Variants in CR2 observed in about 807,000 individuals in gnomAD.
CR2 encodes complement C3d receptor 2.
Under a neutral mutation model 123.0 loss-of-function variants are expected in CR2, and 96 were observed. The observed-to-expected ratio is 0.78, with a 90% CI of 0.66 to 0.93. CR2 has a LOEUF of 0.93. Among genes scored for constraint, CR2 ranks in the 40% least tolerant of loss-of-function variants. CR2 has a pLI of 0.00. For missense variants in CR2, 1,258 were observed against 1,361.0 expected (o/e 0.92, Z 1.19); for synonymous variants, 484 against 469.5 (o/e 1.03, Z -0.40).
intron 16 of CR2, 77 bp from the exon 17 acceptor site, chr1:207,479,180 T>C: frequency 8.7e-7 from 1 of 1,152,938 alleles, no homozygotes; most frequent in South Asian, 1.2e-5. Context: ...TTCTGGGACA[T>C]TACCATGAAA....
intron 18 of CR2, among the ~76,000 whole-genome samples, chr1:207,480,787 C>T (rs1035292207): frequency 6.6e-6 from 1 of 152,076 alleles, no homozygotes; most frequent in African/African-American, 2.4e-5. Flanking sequence ...TTACAAACCA[C>T]TTTGTGTTTA....
In CR2 at chr1:207,468,564, C is replaced by T; in HGVS notation, c.483C>T (p.His161=). 6.2e-7 allele frequency: 1 copy of T among 1,613,964 alleles called. No individual in the cohort carries two copies. The highest frequency in any genetic ancestry group is 1.1e-5 in the South Asian group (1 of 91,074). ...AGTGTCCAGCACTTCCTATGATCCA[C>T]AATGGACATCACACAAGTGAGAATG... The part of the protein sequence containing the change: ...PLECPALPMI[H]NGHHTSENVG... The change falls in exon 3 of 20, where the codon CAC becomes CAT. Residue 161 remains histidine, a synonymous_variant. Coordinates refer to ENST00000367057, the MANE Select transcript of CR2 (RefSeq NM_001006658.3).
rs142051094 is a variant in CR2, at chr1:207,470,637, C to T, written c.1226-103C>T. On this transcript the variant is annotated intron_variant, in intron 6 of 19. Transcript: ENST00000367057. Reference sequence around the variant, plus strand: ...CATATGTTCTGTATCATACAGCTGACGCCAGAGTGGAATTATAGCATGAAT... The same window carrying T: ...CATATGTTCTGTATCATACAGCTGATGCCAGAGTGGAATTATAGCATGAAT... The T allele has an allele frequency of 6.6e-4, 738 of 1,117,820 alleles. 4 individuals are homozygous for T. Among genetic ancestry groups the T allele is most frequent in the South Asian group, 1.8e-3 (145 of 78,690 alleles). The allele number at this position is 1,117,820 out of a possible 1,614,324, so 69.2% of individuals were successfully genotyped here. A position where few individuals can be genotyped will look rare whatever the true frequency, so the allele number is the denominator to read the frequency against.
At chr1:207,474,203 T>G in intron 12 of CR2, 38 bp from the exon 13 acceptor site, 1 of 1,465,708 alleles carries the variant, frequency 6.8e-7, no homozygotes, top group Non-Finnish European at 9.6e-7. Context: ...GATATGATAT[T>G]GGGAACAGGA....
chr1:207,462,971 G>T (rs559566214), intron 1 of CR2, among the ~76,000 whole-genome samples: 1 of 152,188 alleles, frequency 6.6e-6, no homozygotes, highest in African/African-American at 2.4e-5. Context: ...TGACTGATCC[G>T]TTGGAAAGTT....
At chr1:207,488,891 A>G (rs1321835365) in intron 19 of CR2, among the ~76,000 whole-genome samples, 2 of 152,176 alleles carry the variant, frequency 1.3e-5, no homozygotes, top group Non-Finnish European at 2.9e-5. Context: ...TGAATGAGAA[A>G]GATTAGTACT....
At chr1:207,459,949 A>G (rs1159301101) in intron 1 of CR2, among the ~76,000 whole-genome samples, 1 of 152,178 alleles carries the variant, frequency 6.6e-6, no homozygotes, top group South Asian at 2.1e-4. Flanking sequence ...TGTGATCCGT[A>G]TCTCCTTTCA....
chr1:207,471,069 A>C lies in CR2; in HGVS notation c.1475A>C (p.Asn492Thr). 1.9e-6 allele frequency: 3 copies of C among 1,613,408 alleles called. No homozygotes were observed. The highest frequency in any genetic ancestry group is 1.1e-5 in the South Asian group (1 of 91,062). ...PQHQFVRPDV[N>T]SSCGEGYKLS... is the part of the protein sequence containing the mutation. ...CACCAATTTGTTAGACCAGATGTCA[A>C]CTCTTCTTGTGGTGAAGGGTGAGTG... The change falls in exon 8 of 20, where the codon AAC becomes ACC. Residue 492 changes from asparagine to threonine, a missense_variant. Physicochemically the swap from Asn to Thr is moderately conservative, Grantham distance 65 (BLOSUM62 0). Coordinates refer to ENST00000367057, the MANE Select transcript of CR2 (RefSeq NM_001006658.3).
chr1:207,471,833 T>A, intron 9 of CR2: 1 of 358,708 alleles, frequency 2.8e-6, no homozygotes, highest in East Asian at 7.2e-5. Flanking sequence ...GAATTCACAT[T>A]CTGTCTCTAC....
chr1:207,467,613 T>A (rs1460791161), intron 2 of CR2, among the ~76,000 whole-genome samples: 1 of 152,224 alleles, frequency 6.6e-6, no homozygotes, highest in East Asian at 1.9e-4. Flanking sequence ...ATTGACAAAT[T>A]TTAAGCAGAT....
intron 1 of CR2, among the ~76,000 whole-genome samples, chr1:207,455,578 G>T (rs1402818551): frequency 6.6e-6 from 1 of 152,186 alleles, no homozygotes; most frequent in Admixed American, 6.5e-5. Flanking sequence ...GCACATATTA[G>T]TTTATTACAA....
Position 207,474,894 on chromosome 1 carries a change from A to G in CR2, c.2394A>G (p.Leu798=). 2.5e-6 allele frequency: 4 copies of G among 1,614,036 alleles called. No homozygotes were observed. The African/African-American group carries it at 4.0e-5, about 16-fold the overall frequency. The change falls in exon 14 of 20, where the codon CTA becomes CTG. Residue 798 remains leucine (L), a synonymous_variant. Coordinates refer to ENST00000367057, the MANE Select transcript of CR2 (RefSeq NM_001006658.3). The part of the protein sequence containing the change: ...KHTGMMAENF[L]YGNEVSYECD... ...CAGGCATGATGGCAGAAAACTTTCT[A>G]TATGGAAATGAAGTCTCTTATGAAT... is the stretch of plus-strand genomic sequence containing the variant.
At position 207,477,903 on chromosome 1, in the gene CR2, C is replaced by T. The variant is rs1292262378; in HGVS notation, c.2921C>T (p.Pro974Leu). Residue 974 changes from proline to leucine, a missense_variant, in exon 16 of 20, where the codon CCA becomes CTA. By Grantham distance (98) the Pro-to-Leu change is moderately conservative. Transcript: ENST00000367057. ...PHCKEVNCSS[P>L]ADMDGIQKGL... ...ATTTCAGAGGTAAACTGTAGCTCAC[C>T]AGCAGATATGGATGGAATCCAGAAA... 6.2e-7 allele frequency: 1 copy of T among 1,613,916 alleles called. No individual in the cohort carries two copies. The highest frequency in any genetic ancestry group is 2.2e-5 in the East Asian group (1 of 44,864).
chr1:207,465,567 C>T (rs572529800), intron 1 of CR2, among the ~76,000 whole-genome samples: 1 of 152,246 alleles, frequency 6.6e-6, no homozygotes, highest in East Asian at 1.9e-4. Context: ...GACAACAGTT[C>T]TCGAAAGTTA....
chr1:207,482,971 A>C (rs1201781374), intron 18 of CR2, among the ~76,000 whole-genome samples: 2 of 152,138 alleles, frequency 1.3e-5, no homozygotes, highest in Admixed American at 1.3e-4. Flanking sequence ...AAAAAAAAAA[A>C]AAACCCTGAC....
In CR2 at chr1:207,470,932, T is replaced by C; in HGVS notation, c.1402+16T>C. The C allele has an allele frequency of 6.2e-7, 1 of 1,613,868 alleles. No homozygotes were observed. The highest frequency in any genetic ancestry group is 8.5e-7 in the Non-Finnish European group (1 of 1,179,820). On this transcript the variant is annotated intron_variant, in intron 7 of 19. Coordinates refer to ENST00000367057, the MANE Select transcript of CR2 (RefSeq NM_001006658.3). The stretch of plus-strand genomic sequence containing the variant: ...CAATGCAAAGGTGCCAGGCCTCAAA[T>C]GTAGACATTTTGTTAACTTTAAGAT...
rs1658186157 is a variant in CR2, at chr1:207,468,900, G to A, written c.734+1G>A. 1 of 1,613,060 alleles carries A rather than the reference G, an allele frequency of 6.2e-7. No homozygotes were observed. Among genetic ancestry groups the A allele is most frequent in the Non-Finnish European group, 8.5e-7 (1 of 1,179,298 alleles). On this transcript the variant is annotated splice_donor_variant, in intron 4 of 19. Coordinates refer to ENST00000367057, the MANE Select transcript of CR2 (RefSeq NM_001006658.3). LOFTEE classifies it high-confidence loss of function. ...CTGCAAACTTTTTCTGTGATGAAGG[G>A]TGAGTGTCAGGATTATTTATGAGAT...
intron 9 of CR2, 86 bp from the exon 10 acceptor site, chr1:207,472,685 AT>A: frequency 7.1e-7 from 1 of 1,405,754 alleles, no homozygotes; most frequent in South Asian, 1.2e-5. Context: ...GAAACAACAG[AT>A]TCATAACCAG....
intron 15 of CR2, among the ~76,000 whole-genome samples, chr1:207,477,268 G>C (rs571901943): frequency 6.6e-6 from 1 of 152,212 alleles, no homozygotes; most frequent in Non-Finnish European, 1.5e-5. Flanking sequence ...GCAGGCAAGA[G>C]AGCGTGTGCA....
Sources: gnomAD v4.1 joint callset for allele counts (sites outside exome capture counted in the v4.1 genomes callset) on GRCh38, gnomAD v4.1.1 for gene constraint, MANE v1.5 for transcripts, NCBI Gene and HGNC (gene_info 2026-07-23, HGNC 2026-07-21) for gene names.